Variants in MAPKAPK2 observed in about 807,000 individuals in gnomAD.
MAPKAPK2 encodes the protein MAPK activated protein kinase 2.
A neutral mutation model predicts 48.8 loss-of-function variants in MAPKAPK2; 9 were observed. The ratio of observed to expected loss-of-function variants is 0.18; its 90% confidence interval spans 0.11 to 0.32. The LOEUF (loss-of-function observed/expected upper bound fraction) is 0.32. Among genes scored for constraint, MAPKAPK2 ranks in the 10% least tolerant of loss-of-function variants. The pLI, the probability that MAPKAPK2 is intolerant of heterozygous loss-of-function variation, is 1.00. For synonymous variants in MAPKAPK2, 202 were observed against 190.6 expected (o/e 1.06, Z -0.49); for missense variants, 331 against 498.3 (o/e 0.66, Z 3.20).
chr1:206,685,033 G>C lies in MAPKAPK2; in HGVS notation c.-197G>C. ...GGGAGGGAGGGAGGGCGCCGGGCCGGTGGGAGCCAGCGGCGCGCGGTGGGA... is the reference window on the plus strand; with the variant it reads ...GGGAGGGAGGGAGGGCGCCGGGCCGCTGGGAGCCAGCGGCGCGCGGTGGGA... On this transcript the variant is annotated 5_prime_UTR_variant, in exon 1 of 10. Coordinates refer to ENST00000367103, the MANE Select transcript of MAPKAPK2 (RefSeq NM_032960.4). 1 of 164,488 alleles carries C rather than the reference G, an allele frequency of 6.1e-6. No homozygotes were observed. The highest frequency in any genetic ancestry group is 2.4e-5 in the African/African-American group (1 of 41,324). The allele number at this position is 164,488 out of a possible 1,614,324, so 10.2% of individuals were successfully genotyped here.
At chr1:206,708,986 C>T (rs1237275101) in intron 1 of MAPKAPK2, among the ~76,000 whole-genome samples, 6 of 152,108 alleles carry the variant, frequency 3.9e-5, no homozygotes, top group Admixed American at 2.0e-4. Context: ...TTCTCCATTC[C>T]CCTGTTGATG....
chr1:206,729,293 G>C, intron 3 of MAPKAPK2, 103 bp from the exon 4 acceptor site: 1 of 1,131,722 alleles, frequency 8.8e-7, no homozygotes, highest in Non-Finnish European at 1.3e-6. Flanking sequence ...GCTGTGGGGA[G>C]CCTCAGGCTG....
rs540746561 is a variant in MAPKAPK2 at position 206,722,089 on chromosome 1, G to A, written c.280-6621G>A. On this transcript the variant is annotated intron_variant, in intron 1 of 9. Transcript: ENST00000367103. The stretch of plus-strand genomic sequence containing the variant: ...TCAAAAAAAAAAAAAGGCCAGGCAC[G>A]GTGGCTCATGCCTGTAATCCCAGCA... Among the ~76,000 whole-genome samples the A allele has an allele frequency of 3.3e-5, 5 of 149,744 alleles. No homozygotes were observed. In the South Asian group the frequency reaches 6.3e-4, roughly 19 times the overall value.
chr1:206,693,431 T>C (rs1672516572), intron 1 of MAPKAPK2, among the ~76,000 whole-genome samples: 1 of 152,142 alleles, frequency 6.6e-6, no homozygotes. Flanking sequence ...GGAGACGTGC[T>C]ATGGTTTTTA....
intron 1 of MAPKAPK2, among the ~76,000 whole-genome samples, chr1:206,698,295 C>G (rs946996641): frequency 6.6e-6 from 1 of 152,178 alleles, no homozygotes; most frequent in African/African-American, 2.4e-5. Context: ...GTTTAGACCC[C>G]TTTAATACCT....
At chr1:206,696,052 A>C in intron 1 of MAPKAPK2, 1 of 905,110 alleles carries the variant, frequency 1.1e-6, no homozygotes, top group South Asian at 1.3e-5. Context: ...CCAACATAGC[A>C]GCATGTGGTG....
At chr1:206,695,444 T>A (rs1466084877) in intron 1 of MAPKAPK2, among the ~76,000 whole-genome samples, 2 of 149,416 alleles carry the variant, frequency 1.3e-5, no homozygotes, top group African/African-American at 2.5e-5. Context: ...GATCTGGCCC[T>A]GATCTGTTTT....
At chr1:206,713,236 G>A (rs1673216462) in intron 1 of MAPKAPK2, among the ~76,000 whole-genome samples, 1 of 152,316 alleles carries the variant, frequency 6.6e-6, no homozygotes, top group South Asian at 2.1e-4. Flanking sequence ...GGCACAGAGA[G>A]GCAGAGGGGC....
intron 1 of MAPKAPK2, among the ~76,000 whole-genome samples, chr1:206,703,206 C>T (rs765105635): frequency 6.6e-5 from 10 of 152,142 alleles, no homozygotes; most frequent in Non-Finnish European, 1.2e-4. Context: ...ACAGACAGGA[C>T]GTGAGGTTTG....
In MAPKAPK2 at chr1:206,729,960, CTCTT is replaced by C; in HGVS notation, c.565-8_565-5del. The C allele has an allele frequency of 6.2e-7, 1 of 1,614,192 alleles. No homozygotes were observed. On this transcript the variant is annotated splice_polypyrimidine_tract_variant and splice_region_variant and intron_variant, in intron 4 of 9. Transcript: ENST00000367103. ...CAGCAGGGTTGCTATTTTTCTGTCTCTCTTTCTGTAGCCTGAGAATCTCTTATAC... is the reference window on the plus strand; with the variant it reads ...CAGCAGGGTTGCTATTTTTCTGTCTCTCTGTAGCCTGAGAATCTCTTATAC...
At chr1:206,690,195 T>A (rs530293392) in intron 1 of MAPKAPK2, among the ~76,000 whole-genome samples, 6 of 152,344 alleles carry the variant, frequency 3.9e-5, no homozygotes, top group African/African-American at 1.4e-4. Flanking sequence ...TCATTGAAGA[T>A]GGGCTTACAG....
chr1:206,693,620 C>G (rs782198236), intron 1 of MAPKAPK2, among the ~76,000 whole-genome samples: 1 of 152,216 alleles, frequency 6.6e-6, no homozygotes, highest in Non-Finnish European at 1.5e-5. Context: ...AAGCAGGCCT[C>G]TTTGCCAGAG....
intron 1 of MAPKAPK2, among the ~76,000 whole-genome samples, chr1:206,687,363 G>A (rs1279070727): frequency 6.6e-6 from 1 of 152,186 alleles, no homozygotes; most frequent in African/African-American, 2.4e-5. Context: ...AGTTTTGGAA[G>A]GAAAAATCCA....
In MAPKAPK2 at chr1:206,731,609, AG is replaced by A. The variant is rs782220186; in HGVS notation, c.893-30del. ...AGCAGGCCAGGGAGAGTGACCCCTG[AG>A]CTGTCACTGCCCCCTGTCCCACCCC... On this transcript the variant is annotated intron_variant, in intron 7 of 9. Transcript: ENST00000367103. This position sits in a 1 kb window ranked among gnomAD's most constrained non-coding sequence, Gnocchi z 5.9. 14 of 1,553,378 alleles carry A rather than the reference AG, an allele frequency of 9.0e-6. 1 individual carries two copies. The South Asian group carries it at 1.2e-4, about 14-fold the overall frequency.
Position 206,731,654 on chromosome 1 carries a change from C to T in MAPKAPK2, c.907C>T (p.Arg303Trp), listed in dbSNP as rs1280991127. Reference sequence around the variant, plus strand: ...CCACCCCACAGTGAAGATGCTCATTCGGAATCTGCTGAAAACAGAGCCCAC... The same window carrying T: ...CCACCCCACAGTGAAGATGCTCATTTGGAATCTGCTGAAAACAGAGCCCAC... Reference protein sequence around the residue: ...EVSEEVKMLIRNLLKTEPTQR... With the variant: ...EVSEEVKMLIWNLLKTEPTQR... The change falls in exon 8 of 10, where the codon CGG becomes TGG. Residue 303 changes from arginine to tryptophan, a missense_variant. Arg to Trp is a moderately radical substitution (Grantham distance 101). Coordinates refer to ENST00000367103, the MANE Select transcript of MAPKAPK2 (RefSeq NM_032960.4). The surrounding 1 kb of genome is among the most constrained non-coding windows in gnomAD (Gnocchi z 5.9). The T allele has an allele frequency of 3.1e-6, 5 of 1,613,780 alleles. No homozygotes were observed. Among genetic ancestry groups the T allele is most frequent in the Admixed American group, 1.7e-5 (1 of 59,994 alleles).
chr1:206,728,896 C>CA (rs1673798187), intron 2 of MAPKAPK2, 47 bp downstream of exon 2: 2 of 1,611,754 alleles, frequency 1.2e-6, no homozygotes, highest in Non-Finnish European at 8.5e-7. Context: ...TCCCACTCCT[C>CA]ACTCAGGCAC....
chr1:206,729,321 G>A (rs1161956203), intron 3 of MAPKAPK2, 75 bp from the exon 4 acceptor site: 1 of 1,307,002 alleles, frequency 7.7e-7, no homozygotes, highest in Non-Finnish European at 1.1e-6. Flanking sequence ...GTGGGACCCG[G>A]TGCACTGGGT....
intron 1 of MAPKAPK2, among the ~76,000 whole-genome samples, chr1:206,719,386 G>A (rs1275380501): frequency 6.6e-6 from 1 of 152,130 alleles, no homozygotes; most frequent in Non-Finnish European, 1.5e-5. Flanking sequence ...GGGATTCCCC[G>A]TTGTAAGTTT....
chr1:206,723,229 A>G (rs1558585650), intron 1 of MAPKAPK2, among the ~76,000 whole-genome samples: 1 of 152,168 alleles, frequency 6.6e-6, no homozygotes, highest in Non-Finnish European at 1.5e-5. Flanking sequence ...GCCCAGAGCT[A>G]TTAATAACAC....
Sources: gnomAD v4.1 joint callset for allele counts (sites outside exome capture counted in the v4.1 genomes callset) on GRCh38, gnomAD v4.1.1 for gene constraint, Gnocchi (gnomAD v3.1) non-coding constraint, MANE v1.5 for transcripts, NCBI Gene and HGNC (gene_info 2026-07-23, HGNC 2026-07-21) for gene names.